The following ZNF600 variants were observed in gnomAD, a reference collection of about 807,000 sequenced individuals.
ZNF600 encodes zinc finger protein 600, also known as zinc finger protein KR-ZNF1.
A neutral mutation model predicts 7.3 loss-of-function variants in ZNF600; 4 were observed. That is an observed-to-expected ratio of 0.55 (90% confidence interval 0.27 to 1.25). ZNF600 has a LOEUF of 1.25. Among genes scored for constraint, ZNF600 ranks in the 50% most tolerant of loss-of-function variants. The pLI, the probability that ZNF600 is intolerant of heterozygous loss-of-function variation, is 0.12. For synonymous variants in ZNF600, 290 were observed against 308.9 expected (o/e 0.94, Z 0.64); for missense variants, 911 against 922.1 (o/e 0.99, Z 0.16).
the ZNF600 span, chr19:52,805,990 TA>T: frequency 2.4e-4 from 37 of 151,950 alleles, no homozygotes; most frequent in African/African-American, 8.9e-4. Context: ...CATAAATACA[TA>T]AAGTAATTAA....
chr19:52,779,027 C>T lies in ZNF600; in HGVS notation c.-19-120G>A, dbSNP rs567319698. The T allele has an allele frequency of 2.0e-5, 17 of 862,174 alleles. No individual in the cohort carries two copies. The South Asian group carries it at 3.3e-4, about 17-fold the overall frequency. The allele number at this position is 862,174 out of a possible 1,614,324, so 53.4% of individuals were successfully genotyped here. On this transcript the variant is annotated intron_variant, in intron 1 of 3. Coordinates refer to ENST00000648973, the Ensembl canonical transcript of ZNF600. Reference sequence around the variant, plus strand: ...AAGAAGTCCCCCACCGCCCACTGCACCAGAGATCATGCAGAGATAAGAAAG... The same window carrying T: ...AAGAAGTCCCCCACCGCCCACTGCATCAGAGATCATGCAGAGATAAGAAAG...
At chr19:52,789,155 G>A (rs1225050374), upstream of ZNF600, among the ~76,000 whole-genome samples, 1 of 152,214 alleles carries the variant, frequency 6.6e-6, no homozygotes, top group Non-Finnish European at 1.5e-5. Flanking sequence ...CAAAGACTTA[G>A]GGAAGAAAGG....
At chr19:52,831,572 G>C in the ZNF600 span, among the ~76,000 whole-genome samples, 1,934 of 151,684 alleles carry the variant, frequency 0.013, 60 homozygotes, top group African/African-American at 0.044. Flanking sequence ...GTGCGATCTC[G>C]GCTCACTGCA....
chr19:52,788,407 G>A (rs1327058308), upstream of ZNF600, among the ~76,000 whole-genome samples: 2 of 151,902 alleles, frequency 1.3e-5, no homozygotes, highest in African/African-American at 4.8e-5. Flanking sequence ...ATGAGTCTTT[G>A]GAAAATCAAT....
intron 3 of ZNF600, among the ~76,000 whole-genome samples, chr19:52,771,723 C>T (rs1321561369): frequency 6.6e-6 from 1 of 152,166 alleles, no homozygotes; most frequent in Non-Finnish European, 1.5e-5. Flanking sequence ...GGTGATCCAC[C>T]CGTCTTTGCC....
chr19:52,789,736 A>C (rs1193710407), upstream of ZNF600, among the ~76,000 whole-genome samples: 2 of 152,156 alleles, frequency 1.3e-5, no homozygotes, highest in African/African-American at 4.8e-5. Context: ...TGGACAACAA[A>C]ATTAAAAAAA....
At chr19:52,810,734 GAA>G in the ZNF600 span, 4 of 557,736 alleles carry the variant, frequency 7.2e-6, no homozygotes, top group African/African-American at 7.2e-5. Context: ...GGAGAGAGAG[GAA>G]AAAAAGAGGA....
At chr19:52,795,702 G>T in the ZNF600 span, among the ~76,000 whole-genome samples, 1 of 152,050 alleles carries the variant, frequency 6.6e-6, no homozygotes, top group Admixed American at 6.6e-5. Flanking sequence ...GAGTAGCTGG[G>T]ATTACAGGCA....
the ZNF600 span, among the ~76,000 whole-genome samples, chr19:52,829,541 A>AT: frequency 1 from 151,744 of 151,748 alleles, 75,870 homozygotes; most frequent in Middle Eastern, 1. Flanking sequence ...CACTCAGCTA[A>AT]TTTTGTATTT....
upstream of ZNF600, among the ~76,000 whole-genome samples, chr19:52,787,499 C>A (rs150699000): frequency 5.4e-3 from 807 of 148,366 alleles, no homozygotes; most frequent in Non-Finnish European, 9.3e-3. Context: ...CTCCGCCTCC[C>A]GGGTTCACGC....
chr19:52,816,866 A>C, the ZNF600 span, among the ~76,000 whole-genome samples: 1 of 142,844 alleles, frequency 7.0e-6, no homozygotes, highest in African/African-American at 2.6e-5. Flanking sequence ...AATAATAATA[A>C]TAATAAAACG....
the ZNF600 span, among the ~76,000 whole-genome samples, chr19:52,830,114 A>T: frequency 6.6e-6 from 1 of 152,102 alleles, no homozygotes; most frequent in Non-Finnish European, 1.5e-5. Flanking sequence ...TCTCTACTTC[A>T]AATACAAAAT....
At chr19:52,808,629 C>T in the ZNF600 span, among the ~76,000 whole-genome samples, 7 of 122,236 alleles carry the variant, frequency 5.7e-5, no homozygotes, top group Non-Finnish European at 5.2e-5. Context: ...AACTCCATCT[C>T]AAAAAAAAAA....
the ZNF600 span, among the ~76,000 whole-genome samples, chr19:52,794,197 A>T: frequency 6.6e-6 from 1 of 152,158 alleles, no homozygotes; most frequent in Admixed American, 6.5e-5. Context: ...CAGAGACAAG[A>T]ATAAGTTCAA....
chr19:52,770,195 A>T (rs1478358276), intron 3 of ZNF600, among the ~76,000 whole-genome samples: 1 of 152,136 alleles, frequency 6.6e-6, no homozygotes, highest in African/African-American at 2.4e-5. Flanking sequence ...TAATCCCAGT[A>T]CTTTGGGAGG....
the ZNF600 span, among the ~76,000 whole-genome samples, chr19:52,832,770 T>A: frequency 6.6e-6 from 1 of 152,028 alleles, no homozygotes; most frequent in African/African-American, 2.4e-5. Flanking sequence ...TTTCTCTCTC[T>A]CTCTCCTTTT....
the ZNF600 span, among the ~76,000 whole-genome samples, chr19:52,823,798 C>G: frequency 1.7e-4 from 26 of 152,114 alleles, no homozygotes; most frequent in Non-Finnish European, 3.4e-4. Flanking sequence ...CGCGGTGGTT[C>G]AAGCCTGTAA....
chr19:52,815,959 A>T, the ZNF600 span, among the ~76,000 whole-genome samples: 3,120 of 147,508 alleles, frequency 0.021, 591 homozygotes, highest in African/African-American at 0.078. Flanking sequence ...AGTAAAAAAA[A>T]ATACATAAAA....
rs186236851 is a variant in ZNF600, at chr19:52,780,106, T to C, written c.-19-1199A>G. 1.5e-3 allele frequency among the ~76,000 whole-genome samples: 224 copies of C among 151,638 alleles called. 1 individual carries two copies. Among genetic ancestry groups the C allele is most frequent in the African/African-American group, 5.3e-3 (216 of 40,906 alleles). On this transcript the variant is annotated intron_variant, in intron 1 of 3. Transcript: ENST00000648973. ...CTCCGTGCTTCAAGTCTTCCTGCCT[T>C]TGTTTAAAGTTCTCCCACCTTCCCA... is the stretch of plus-strand genomic sequence containing the variant.
Sources: gnomAD v4.1 joint callset for allele counts (sites outside exome capture counted in the v4.1 genomes callset) on GRCh38, gnomAD v4.1.1 for gene constraint, MANE v1.5 for transcripts, NCBI Gene and HGNC (gene_info 2026-07-23, HGNC 2026-07-21) for gene names.